The following BBOF1 variants were observed in gnomAD, a reference collection of about 807,000 sequenced individuals.
BBOF1 encodes basal body orientation factor 1, also known as basal body-orientation factor 1.
Under a neutral mutation model 68.0 loss-of-function variants are expected in BBOF1, and 62 were observed. The ratio of observed to expected loss-of-function variants is 0.91; its 90% confidence interval spans 0.74 to 1.13. The LOEUF (loss-of-function observed/expected upper bound fraction) is 1.13. Among genes scored for constraint, BBOF1 ranks in the 50% most tolerant of loss-of-function variants. The pLI is 0.00. For missense variants in BBOF1, 534 were observed against 600.1 expected, an observed-to-expected ratio of 0.89 and a Z score of 1.15; for synonymous variants, 208 against 198.8, an observed-to-expected ratio of 1.05 and a Z score of -0.39.
At chr14:74,033,377 G>A (rs1041132803) in intron 3 of BBOF1, among the ~76,000 whole-genome samples, 1 of 151,862 alleles carries the variant, frequency 6.6e-6, no homozygotes, top group South Asian at 2.1e-4. Context: ...AGACCAGCCT[G>A]GCCAACATCG....
At chr14:74,071,737 TA>T (rs1343616664) in intron 9 of BBOF1, 1 of 1,445,712 alleles carries the variant, frequency 6.9e-7, no homozygotes, top group Non-Finnish European at 9.5e-7. Flanking sequence ...AAATCAGTCT[TA>T]GGGATACTGA....
At chr14:74,071,752 C>T in intron 9 of BBOF1, 1 of 1,442,756 alleles carries the variant, frequency 6.9e-7, no homozygotes, top group Non-Finnish European at 9.6e-7. Context: ...ATACTGAATA[C>T]TGCCATTTTT....
chr14:74,066,982 A>C, downstream of BBOF1: 1 of 1,209,728 alleles, frequency 8.3e-7, no homozygotes, highest in Non-Finnish European at 1.2e-6. Flanking sequence ...TTAGGAGGCC[A>C]AGGCAGGAGG....
intron 4 of BBOF1, 84 bp downstream of exon 4, chr14:74,034,255 G>A: frequency 2.3e-6 from 2 of 872,606 alleles, no homozygotes; most frequent in Non-Finnish European, 3.2e-6. Flanking sequence ...ATTTACTCCT[G>A]TGAGACGGCA....
At chr14:74,036,182 A>C (rs1398787651) in intron 4 of BBOF1, among the ~76,000 whole-genome samples, 1 of 152,062 alleles carries the variant, frequency 6.6e-6, no homozygotes, top group Non-Finnish European at 1.5e-5. Context: ...CAGCCTCCCA[A>C]GTAGCAGGGA....
chr14:74,057,409 T>A lies in BBOF1; in HGVS notation c.1578+151T>A, dbSNP rs965343741. 2.0e-6 allele frequency: 3 copies of A among 1,528,032 alleles called. No homozygotes were observed. The African/African-American group carries it at 4.1e-5, about 21-fold the overall frequency. The allele number at this position is 1,528,032 out of a possible 1,614,324, so 94.7% of individuals were successfully genotyped here. A position where few individuals can be genotyped will look rare whatever the true frequency, so the allele number is the denominator to read the frequency against. ...AAATAGCATTAGTAGATTACATAAA[T>A]TTTTAAAGCAATATCCGTACAAATG... On this transcript the variant is annotated intron_variant, in intron 11 of 11. Transcript: ENST00000394009.
chr14:74,069,850 CTTT>C (rs779619553), downstream of BBOF1, among the ~76,000 whole-genome samples: 4 of 122,522 alleles, frequency 3.3e-5, no homozygotes, highest in Non-Finnish European at 5.0e-5. Flanking sequence ...CTAATCTAAC[CTTT>C]TTTTTTTTTT....
intron 4 of BBOF1, among the ~76,000 whole-genome samples, chr14:74,040,001 T>C (rs2059796554): frequency 6.6e-6 from 1 of 152,046 alleles, no homozygotes; most frequent in African/African-American, 2.4e-5. Context: ...CCAAAACATA[T>C]ATATATATAT....
At chr14:74,072,139 C>T (rs762266996) in intron 9 of BBOF1, 24 of 1,612,006 alleles carry the variant, frequency 1.5e-5, no homozygotes, top group Non-Finnish European at 1.7e-5. Flanking sequence ...GAAAAGGTCT[C>T]TGTGAGAGTG....
At chr14:74,062,380 T>C (rs2060365606) in intron 11 of BBOF1, among the ~76,000 whole-genome samples, 1 of 152,064 alleles carries the variant, frequency 6.6e-6, no homozygotes. Context: ...GGCAGGCAGA[T>C]CACCTGAGGT....
intron 1 of BBOF1, 134 bp downstream of exon 1, chr14:74,019,668 C>A: frequency 7.0e-7 from 1 of 1,420,876 alleles, no homozygotes; most frequent in Non-Finnish European, 9.5e-7. Context: ...GTGAGGATTA[C>A]AGCTCCCATG....
chr14:74,060,097 T>C (rs952407114), intron 11 of BBOF1: 1 of 159,432 alleles, frequency 6.3e-6, no homozygotes, highest in Non-Finnish European at 1.4e-5. Flanking sequence ...CTGTCCTGTT[T>C]CCCCATCTAA....
chr14:74,077,077 C>G (rs766126735), intron 9 of BBOF1, among the ~76,000 whole-genome samples: 2 of 152,162 alleles, frequency 1.3e-5, no homozygotes, highest in African/African-American at 4.8e-5. Context: ...CTTCCAAATA[C>G]CTCATCTGTT....
chr14:74,077,977 C>A (rs10135340), intron 9 of BBOF1, among the ~76,000 whole-genome samples: 1 of 152,018 alleles, frequency 6.6e-6, no homozygotes, highest in African/African-American at 2.4e-5. Flanking sequence ...ACGGTGATTT[C>A]TGCCTGTAGT....
chr14:74,074,070 T>C (rs7150352), intron 9 of BBOF1, among the ~76,000 whole-genome samples: 61,395 of 150,816 alleles, frequency 0.41, 13,733 homozygotes, highest in East Asian at 0.81. Context: ...CTGCAACCTC[T>C]GCCTCCCAGG....
intron 5 of BBOF1, among the ~76,000 whole-genome samples, chr14:74,041,637 C>T (rs1320364564): frequency 6.6e-6 from 1 of 152,104 alleles, no homozygotes; most frequent in African/African-American, 2.4e-5. Flanking sequence ...GCAGCCTTGA[C>T]CTCCACCTCC....
intron 7 of BBOF1, chr14:74,048,306 A>G: frequency 2.6e-6 from 1 of 385,874 alleles, no homozygotes; most frequent in Non-Finnish European, 4.6e-6. Flanking sequence ...TATGACCCTT[A>G]TCCTCTACTA....
intron 1 of BBOF1, among the ~76,000 whole-genome samples, chr14:74,021,634 CTATT>C (rs2059300284): frequency 6.6e-6 from 1 of 151,158 alleles, no homozygotes. Flanking sequence ...AGCTGATAAA[CTATT>C]TAACGTATTT....
chr14:74,025,796 A>G (rs201646755), intron 2 of BBOF1, among the ~76,000 whole-genome samples: 1 of 152,114 alleles, frequency 6.6e-6, no homozygotes, highest in African/African-American at 2.4e-5. Flanking sequence ...CATTCCTTGG[A>G]GAAATGGTTG....
Sources: allele counts gnomAD v4.1 joint callset (sites outside exome capture counted in the v4.1 genomes callset), GRCh38; gene constraint gnomAD v4.1.1; transcripts MANE v1.5; gene names NCBI Gene and HGNC (gene_info 2026-07-23, HGNC 2026-07-21).